Variants in MCMDC2 observed in about 807,000 individuals in gnomAD.
MCMDC2 encodes the protein minichromosome maintenance domain-containing protein 2.
Under a neutral mutation model 75.8 loss-of-function variants are expected in MCMDC2, and 54 were observed. The observed-to-expected ratio is 0.71, with a 90% CI of 0.57 to 0.89. MCMDC2 has a LOEUF of 0.89. MCMDC2 is among the 40% of genes least tolerant of loss of function. The pLI is 0.00. For missense variants in MCMDC2, 656 were observed against 780.4 expected (o/e 0.84, Z 1.90); for synonymous variants, 249 against 274.6 (o/e 0.91, Z 0.92).
At position 66,901,312 on chromosome 8, in the gene MCMDC2, G is replaced by A. The variant is rs1054900103; in HGVS notation, c.1733G>A (p.Cys578Tyr). 1 of 1,613,202 alleles carries A rather than the reference G, an allele frequency of 6.2e-7. No homozygotes were observed. Among genetic ancestry groups the A allele is most frequent in the Non-Finnish European group, 8.5e-7 (1 of 1,179,628 alleles). ...CGCAGAATCAGAACAGGCTCTGTAT[G>A]TGGATCAAAGCTGTCAGCATCTGCA... ...ASRRIRTGSV[C>Y]GSKLSASALK... The change falls in exon 13 of 15, where the codon TGT becomes TAT. Residue 578 changes from cysteine (C) to tyrosine (Y), a missense_variant. By Grantham distance (194) the Cys-to-Tyr change is radical. Transcript: ENST00000422365.
At chr8:66,906,849 T>C (rs1161617530) in intron 14 of MCMDC2, among the ~76,000 whole-genome samples, 1 of 152,008 alleles carries the variant, frequency 6.6e-6, no homozygotes, top group Non-Finnish European at 1.5e-5. Flanking sequence ...TGATCTCGGC[T>C]CACTGCAACC....
At chr8:66,901,737 C>A in intron 13 of MCMDC2, 1 of 486,224 alleles carries the variant, frequency 2.1e-6, no homozygotes. Context: ...TCAAGACCAG[C>A]CTGGGCAACA....
intron 9 of MCMDC2, among the ~76,000 whole-genome samples, chr8:66,888,858 A>G (rs1405851690): frequency 6.6e-6 from 1 of 152,186 alleles, no homozygotes; most frequent in Non-Finnish European, 1.5e-5. Context: ...TTTTTAAAAA[A>G]TATTTATCAC....
intron 7 of MCMDC2, among the ~76,000 whole-genome samples, chr8:66,879,663 T>G (rs182834868): frequency 1.3e-5 from 2 of 152,346 alleles, no homozygotes; most frequent in East Asian, 3.9e-4. Flanking sequence ...AGCTTAAGAA[T>G]CACAAGTCTT....
intron 10 of MCMDC2, among the ~76,000 whole-genome samples, chr8:66,891,805 A>G (rs78134637): frequency 2.0e-5 from 3 of 152,322 alleles, no homozygotes; most frequent in East Asian, 1.9e-4. Flanking sequence ...GCCACTGCAC[A>G]TAGCCAGGCA....
Position 66,919,142 on chromosome 8 carries a change from G to A in MCMDC2, c.2019G>A (p.Gly673=), listed in dbSNP as rs1266133530. The change falls in exon 15 of 15, where the codon GGG becomes GGA. Residue 673 remains glycine (G), a synonymous_variant. Coordinates refer to ENST00000422365, the MANE Select transcript of MCMDC2 (RefSeq NM_173518.5). The part of the protein sequence containing the change: ...LEQFIATYGP[G]TTIFSSDE The stretch of plus-strand genomic sequence containing the variant: ...AATTTATTGCCACATATGGACCTGG[G>A]ACAACTATTTTCTCTAGTGATGAAT... 93 of 1,547,264 alleles carry A rather than the reference G, an allele frequency of 6.0e-5. No homozygotes were observed. Among genetic ancestry groups the A allele is most frequent in the Non-Finnish European group, 7.6e-5 (87 of 1,145,656 alleles).
chr8:66,898,512 T>G (rs1271046562), intron 12 of MCMDC2, among the ~76,000 whole-genome samples: 1 of 150,338 alleles, frequency 6.7e-6, no homozygotes, highest in Non-Finnish European at 1.5e-5. Context: ...TAATCCCAGC[T>G]ACTCGGGAGG....
At chr8:66,917,087 A>G (rs1369580296) in intron 14 of MCMDC2, among the ~76,000 whole-genome samples, 2 of 152,228 alleles carry the variant, frequency 1.3e-5, no homozygotes, top group Non-Finnish European at 2.9e-5. Context: ...ATGGTCTGGA[A>G]GCAGCAGAGG....
intron 13 of MCMDC2, 148 bp from the exon 14 acceptor site, chr8:66,905,078 C>A: frequency 1.9e-6 from 1 of 515,386 alleles, no homozygotes; most frequent in Non-Finnish European, 2.9e-6. Flanking sequence ...AAAAAAAATC[C>A]TTTGAAAAGA....
intron 14 of MCMDC2, among the ~76,000 whole-genome samples, chr8:66,911,594 C>T (rs1036224138): frequency 4.0e-5 from 6 of 150,298 alleles, no homozygotes; most frequent in African/African-American, 1.5e-4. Context: ...GGGTCCGAGG[C>T]AGGCAGATCA....
In MCMDC2 at chr8:66,880,804, T is replaced by C. The variant is rs763909254; in HGVS notation, c.710-45T>C. The stretch of plus-strand genomic sequence containing the variant: ...TTGAACCATATGTTCATGTACAAAG[T>C]TCATTTAGTGAATATGTATTTTCTT... On this transcript the variant is annotated intron_variant, in intron 7 of 14. Transcript: ENST00000422365. The C allele has an allele frequency of 2.1e-6, 3 of 1,457,086 alleles. No individual in the cohort carries two copies. In the Admixed American group the frequency reaches 7.2e-5, roughly 35 times the overall value. 90.3% of individuals were successfully genotyped at this position (1,457,086 alleles called of 1,614,324 possible). A position where few individuals can be genotyped will look rare whatever the true frequency, so the allele number is the denominator to read the frequency against.
chr8:66,897,671 C>T (rs1317620269), intron 12 of MCMDC2, among the ~76,000 whole-genome samples: 2 of 152,142 alleles, frequency 1.3e-5, no homozygotes, highest in African/African-American at 2.4e-5. Context: ...TGAATACCTT[C>T]GAGTCCTGAC....
chr8:66,879,035 C>T, intron 7 of MCMDC2, 116 bp downstream of exon 7: 1 of 673,636 alleles, frequency 1.5e-6, no homozygotes, highest in South Asian at 1.7e-5. Flanking sequence ...GTGGGAGGAT[C>T]ACTTGAGGCC....
intron 12 of MCMDC2, among the ~76,000 whole-genome samples, chr8:66,899,353 T>C (rs1202927189): frequency 6.6e-6 from 1 of 152,176 alleles, no homozygotes; most frequent in East Asian, 1.9e-4. Flanking sequence ...CATCATGCCA[T>C]CTTAGAGAGA....
intron 13 of MCMDC2, among the ~76,000 whole-genome samples, chr8:66,902,526 C>T (rs1812710920): frequency 6.7e-6 from 1 of 149,056 alleles, no homozygotes; most frequent in Non-Finnish European, 1.5e-5. Flanking sequence ...CTGTCTTTAC[C>T]AAAAAAATAC....
rs1304381881 is a variant in MCMDC2, at chr8:66,874,192, G to A, written c.52G>A (p.Gly18Arg). ...GGCCCTCATCTATCTTGACAGAAGT[G>A]GAGGCCTCCAAAAGTTTATAGATGA... is the stretch of plus-strand genomic sequence containing the variant. ...EAALIYLDRS[G>R]GLQKFIDDCK... Residue 18 changes from glycine to arginine, a missense_variant, in exon 2 of 15, where the codon GGA becomes AGA. By Grantham distance (125) the Gly-to-Arg change is moderately radical. Transcript: ENST00000422365. 6.2e-7 allele frequency: 1 copy of A among 1,611,372 alleles called. No individual in the cohort carries two copies. The highest frequency in any genetic ancestry group is 1.3e-5 in the African/African-American group (1 of 74,770).
At chr8:66,906,536 G>T (rs537030390) in intron 14 of MCMDC2, among the ~76,000 whole-genome samples, 38 of 152,050 alleles carry the variant, frequency 2.5e-4, no homozygotes, top group African/African-American at 8.9e-4. Context: ...ATGTACACAT[G>T]TGTGTGCCTT....
chr8:66,895,601 G>A (rs772115162), intron 10 of MCMDC2, among the ~76,000 whole-genome samples: 4 of 151,602 alleles, frequency 2.6e-5, no homozygotes, highest in African/African-American at 4.9e-5. Flanking sequence ...GTCTTGCCAC[G>A]TTGCCCAGGC....
chr8:66,889,014 C>T (rs769642693), intron 9 of MCMDC2, among the ~76,000 whole-genome samples: 6 of 152,244 alleles, frequency 3.9e-5, no homozygotes, highest in East Asian at 1.9e-4. Context: ...TTCTAAATAT[C>T]GCTCTCTCTC....
Sources: allele counts gnomAD v4.1 joint callset (sites outside exome capture counted in the v4.1 genomes callset), GRCh38; gene constraint gnomAD v4.1.1; transcripts MANE v1.5; gene names NCBI Gene and HGNC (gene_info 2026-07-23, HGNC 2026-07-21).